The following RYR2 variants were observed in gnomAD, a reference collection of about 807,000 sequenced individuals.
RYR2 encodes cardiac muscle ryanodine receptor-calcium release channel.
A neutral mutation model predicts 601.1 loss-of-function variants in RYR2; 227 were observed. The observed-to-expected ratio is 0.38, with a 90% confidence interval of 0.34 to 0.42. RYR2 has a LOEUF of 0.42. Among genes scored for constraint, RYR2 ranks in the 10% least tolerant of loss-of-function variants. The pLI, the probability that RYR2 is intolerant of heterozygous loss-of-function variation, is 1.00. For missense variants in RYR2, 4,646 were observed against 6,156.5 expected, an observed-to-expected ratio of 0.75 and a Z score of 8.21; for synonymous variants, 2,223 against 2,175.1, an observed-to-expected ratio of 1.02 and a Z score of -0.61.
chr1:237,573,534 G>A (rs1672918938), intron 29 of RYR2, among the ~76,000 whole-genome samples: 1 of 148,882 alleles, frequency 6.7e-6, no homozygotes, highest in Admixed American at 6.6e-5. Context: ...GGATAGGGTT[G>A]TTCTATAAAG....
At chr1:237,795,817 G>GGTGTGTGTGT (rs1383645762) in intron 96 of RYR2, among the ~76,000 whole-genome samples, 1 of 117,972 alleles carries the variant, frequency 8.5e-6, no homozygotes, top group African/African-American at 3.1e-5. Context: ...TGTATATACA[G>GGTGTGTGTGT]GTATGTATGT....
At chr1:237,119,332 G>T (rs558491402) in intron 1 of RYR2, among the ~76,000 whole-genome samples, 1 of 152,290 alleles carries the variant, frequency 6.6e-6, no homozygotes, top group Non-Finnish European at 1.5e-5. Flanking sequence ...GAGACAAGAC[G>T]TTCCTATTAA....
At chr1:237,375,540 C>T (rs1700956817) in intron 7 of RYR2, among the ~76,000 whole-genome samples, 3 of 152,102 alleles carry the variant, frequency 2.0e-5, no homozygotes, top group Non-Finnish European at 4.4e-5. Context: ...ACTCCACTCC[C>T]CCTCTTAAAA....
chr1:237,172,706 C>T (rs1209288730), intron 1 of RYR2, among the ~76,000 whole-genome samples: 1 of 152,154 alleles, frequency 6.6e-6, no homozygotes, highest in Non-Finnish European at 1.5e-5. Flanking sequence ...CCTTTATGTA[C>T]TCACTCTGCG....
intron 2 of RYR2, among the ~76,000 whole-genome samples, chr1:237,272,341 G>T (rs953113442): frequency 6.6e-6 from 1 of 151,716 alleles, no homozygotes; most frequent in Non-Finnish European, 1.5e-5. Context: ...AATAGAGGGG[G>T]GAAGCAGAAC....
At chr1:237,395,919 C>G (rs1242468596) in intron 10 of RYR2, among the ~76,000 whole-genome samples, 1 of 152,210 alleles carries the variant, frequency 6.6e-6, no homozygotes, top group Admixed American at 6.5e-5. Flanking sequence ...TGTTGGTCTG[C>G]ATATTCATCT....
chr1:237,449,419 C>A (rs1572379581), intron 14 of RYR2, among the ~76,000 whole-genome samples: 1 of 152,174 alleles, frequency 6.6e-6, no homozygotes, highest in East Asian at 1.9e-4. Flanking sequence ...TACTTCCCTC[C>A]CAGTTTTCGC....
intron 53 of RYR2, 111 bp downstream of exon 53, chr1:237,656,095 G>T: frequency 1.1e-6 from 1 of 899,858 alleles, no homozygotes; most frequent in East Asian, 2.9e-5. Context: ...CTTTGAATTG[G>T]TATCCTTTTA....
Position 237,211,649 on chromosome 1 carries a change from T to C in RYR2, c.49-58848T>C, listed in dbSNP as rs76919534. On this transcript the variant is annotated intron_variant, in intron 1 of 104. Coordinates refer to ENST00000366574, the MANE Select transcript of RYR2 (RefSeq NM_001035.3). ...ATTTCATTGCAATGGATTTATGCTT[T>C]GCTTTATCATTTATCCATTTGACAG... is the stretch of plus-strand genomic sequence containing the variant. Among the ~76,000 whole-genome samples the C allele has an allele frequency of 5.9e-3, 904 of 152,358 alleles. 11 individuals carry two copies. The highest frequency in any genetic ancestry group is 0.021 in the African/African-American group (861 of 41,584).
rs1677754784 is a variant in RYR2 at position 237,610,759 on chromosome 1, T to C, written c.4684-3T>C. The C allele has an allele frequency of 1.3e-6, 2 of 1,596,900 alleles. No individual in the cohort carries two copies. Among genetic ancestry groups the C allele is most frequent in the Non-Finnish European group, 1.7e-6 (2 of 1,171,596 alleles). ...ATTCTTTTTCTGCCTCCCCATCCGC[T>C]AGAATGTGATGCCTCTCTCGGCGGG... On this transcript the variant is annotated splice_region_variant and splice_polypyrimidine_tract_variant and intron_variant, in intron 35 of 104. Transcript: ENST00000366574. This position sits in a 1 kb window ranked among gnomAD's most constrained non-coding sequence, Gnocchi z 4.9.
chr1:237,499,194 T>C (rs1664382032), intron 20 of RYR2, among the ~76,000 whole-genome samples: 1 of 152,158 alleles, frequency 6.6e-6, no homozygotes, highest in Admixed American at 6.5e-5. Context: ...GGAACAAGGA[T>C]TGGGCTCATA....
Position 237,639,194 on chromosome 1 carries a change from A to G in RYR2, c.7108A>G (p.Lys2370Glu), listed in dbSNP as rs764388741. Residue 2370 changes from lysine to glutamate, a missense_variant, in exon 46 of 105, where the codon AAA becomes GAA. Lys to Glu is a moderately conservative substitution (Grantham distance 56). Around this residue, in one of 17 missense-constraint regions of RYR2, gnomAD observed 1,497 missense variants for 1,842.6 expected, o/e 0.81. Transcript: ENST00000366574. ...TCCCTCACCAAATAGCGGATCCAGTAAAACACTGTAGGTCTAATATACACA... is the reference window on the plus strand; with the variant it reads ...TCCCTCACCAAATAGCGGATCCAGTGAAACACTGTAGGTCTAATATACACA... ...DGPSPNSGSSKTLDTEEEEDD... is the reference protein window; with the variant it reads ...DGPSPNSGSSETLDTEEEEDD... The G allele has an allele frequency of 6.2e-7, 1 of 1,612,346 alleles. No individual in the cohort carries two copies. The highest frequency in any genetic ancestry group is 1.1e-5 in the South Asian group (1 of 90,942).
chr1:237,052,495 C>T (rs539888271), intron 1 of RYR2, among the ~76,000 whole-genome samples: 9 of 152,212 alleles, frequency 5.9e-5, no homozygotes, highest in Admixed American at 2.6e-4. Flanking sequence ...AATGAAATGC[C>T]GCCTTGATCT....
At chr1:237,175,957 C>T (rs934105975) in intron 1 of RYR2, among the ~76,000 whole-genome samples, 7 of 152,022 alleles carry the variant, frequency 4.6e-5, no homozygotes, top group Non-Finnish European at 7.4e-5. Flanking sequence ...CTGGGCCAGG[C>T]GCGGTGGCTC....
chr1:237,362,326 G>A lies in RYR2; in HGVS notation c.295-2032G>A, dbSNP rs16835163. ...ATAGTCATCCCTTACTCTATTTTGTGTAATGAAATTTTAGCTCTTGTCTAT... is the reference window on the plus strand; with the variant it reads ...ATAGTCATCCCTTACTCTATTTTGTATAATGAAATTTTAGCTCTTGTCTAT... On this transcript the variant is annotated intron_variant, in intron 4 of 104. Coordinates refer to ENST00000366574, the MANE Select transcript of RYR2 (RefSeq NM_001035.3). Among the ~76,000 whole-genome samples, 1,195 of 152,150 alleles carry A rather than the reference G, an allele frequency of 7.9e-3. 11 individuals carry two copies. Among genetic ancestry groups the A allele is most frequent in the African/African-American group, 0.026 (1,072 of 41,516 alleles).
intron 25 of RYR2, among the ~76,000 whole-genome samples, chr1:237,533,442 C>G (rs1668322677): frequency 6.6e-6 from 1 of 152,010 alleles, no homozygotes; most frequent in African/African-American, 2.4e-5. Flanking sequence ...CACCGACGAG[C>G]AGGCAAACTA....
chr1:237,536,401 C>G (rs1668609058), intron 25 of RYR2, among the ~76,000 whole-genome samples: 1 of 152,090 alleles, frequency 6.6e-6, no homozygotes, highest in African/African-American at 2.4e-5. Context: ...GTAACCCCGT[C>G]TCTACTAAAA....
At chr1:237,774,167 A>G (rs1694475524) in intron 87 of RYR2, among the ~76,000 whole-genome samples, 2 of 152,116 alleles carry the variant, frequency 1.3e-5, no homozygotes, top group South Asian at 2.1e-4. Flanking sequence ...TAAAGATTTT[A>G]TAAAATTCTG....
At chr1:237,539,586 A>G (rs948476438) in intron 25 of RYR2, among the ~76,000 whole-genome samples, 2 of 152,218 alleles carry the variant, frequency 1.3e-5, no homozygotes, top group African/African-American at 4.8e-5. Context: ...AAACTAATGC[A>G]GGAACAGAAA....
Sources: allele counts gnomAD v4.1 joint callset (sites outside exome capture counted in the v4.1 genomes callset), GRCh38; gene constraint gnomAD v4.1.1; regional missense constraint gnomAD v4.1.1; non-coding constraint Gnocchi (gnomAD v3.1); transcripts MANE v1.5; gene names NCBI Gene and HGNC (gene_info 2026-07-23, HGNC 2026-07-21).